CSMD1: variants seen among roughly 807,000 people sequenced by gnomAD.
CSMD1 encodes the protein CUB and sushi domain-containing protein 1.
In CSMD1, 213 loss-of-function variants were observed where a neutral mutation model predicts 417.5. The ratio of observed to expected loss-of-function variants is 0.51; its 90% CI spans 0.46 to 0.57. The LOEUF (loss-of-function observed/expected upper bound fraction) is 0.57. CSMD1 is among the 20% of genes least tolerant of loss of function. CSMD1 has a pLI of 0.00. For synonymous variants in CSMD1, 2,862 were observed against 1,736.8 expected (o/e 1.65, Z -16.11); for missense variants, 6,923 against 4,529.7 (o/e 1.53, Z -15.17).
chr8:3,293,772 A>T (rs748433083), intron 25 of CSMD1, among the ~76,000 whole-genome samples: 13 of 152,272 alleles, frequency 8.5e-5, no homozygotes, highest in Middle Eastern at 3.4e-3. Flanking sequence ...CATGGGTTCA[A>T]ACTTCCTCCT....
intron 3 of CSMD1, among the ~76,000 whole-genome samples, chr8:4,105,985 T>C (rs934068623): frequency 2.0e-5 from 3 of 152,008 alleles, no homozygotes; most frequent in African/African-American, 7.3e-5. Context: ...CACAGGAAAA[T>C]GTAGAGCAGG....
intron 41 of CSMD1, among the ~76,000 whole-genome samples, chr8:3,123,591 A>G (rs1817329715): frequency 1.4e-5 from 2 of 145,338 alleles, no homozygotes; most frequent in Non-Finnish European, 1.5e-5. Flanking sequence ...GCAAATATGA[A>G]CGCTAATAAA....
intron 2 of CSMD1, among the ~76,000 whole-genome samples, chr8:4,631,398 GTT>G (rs566703213): frequency 1.4e-5 from 2 of 138,382 alleles, no homozygotes; most frequent in Admixed American, 7.3e-5. Flanking sequence ...ACCTTGGTTT[GTT>G]TTTTTTTTTT....
At chr8:3,746,803 G>A (rs546039752) in intron 6 of CSMD1, among the ~76,000 whole-genome samples, 6 of 152,188 alleles carry the variant, frequency 3.9e-5, no homozygotes, top group Non-Finnish European at 7.4e-5. Context: ...TATACCGAGA[G>A]AAACAAAATA....
chr8:4,895,336 T>G (rs548870233), intron 1 of CSMD1, among the ~76,000 whole-genome samples: 2 of 152,248 alleles, frequency 1.3e-5, no homozygotes, highest in Non-Finnish European at 2.9e-5. Context: ...AATATTTCAG[T>G]TTCTGGAGTA....
chr8:3,731,556 CA>C, intron 6 of CSMD1, among the ~76,000 whole-genome samples: 1 of 152,216 alleles, frequency 6.6e-6, no homozygotes, highest in South Asian at 2.1e-4. Context: ...GATTTGATTC[CA>C]CCCGTGAAGA....
chr8:3,854,463 G>T (rs1197631538), intron 5 of CSMD1, among the ~76,000 whole-genome samples: 2 of 152,018 alleles, frequency 1.3e-5, no homozygotes, highest in African/African-American at 4.8e-5. Flanking sequence ...AAATTACTTG[G>T]CACACGTTAT....
chr8:3,203,951 G>C (rs1797118448), intron 31 of CSMD1, among the ~76,000 whole-genome samples: 1 of 152,188 alleles, frequency 6.6e-6, no homozygotes, highest in Non-Finnish European at 1.5e-5. Context: ...CTCACCATAA[G>C]CCTGCCAGGG....
At chr8:3,694,931 A>G (rs918538531) in intron 7 of CSMD1, among the ~76,000 whole-genome samples, 15 of 152,210 alleles carry the variant, frequency 9.9e-5, no homozygotes, top group Admixed American at 9.2e-4. Flanking sequence ...CACCACGTGT[A>G]GCTTGCCAGT....
At chr8:3,243,036 T>C (rs1024851545) in intron 26 of CSMD1, among the ~76,000 whole-genome samples, 12 of 152,174 alleles carry the variant, frequency 7.9e-5, no homozygotes, top group African/African-American at 2.6e-4. Context: ...AAAACGTGTC[T>C]CCTTTGTCTC....
intron 5 of CSMD1, among the ~76,000 whole-genome samples, chr8:3,952,212 C>T (rs1442459636): frequency 2.0e-5 from 3 of 152,024 alleles, no homozygotes; most frequent in Non-Finnish European, 2.9e-5. Context: ...AAAGAATTTT[C>T]ATAATAAGAA....
intron 47 of CSMD1, among the ~76,000 whole-genome samples, chr8:3,092,947 T>C (rs569414722): frequency 6.6e-6 from 1 of 152,326 alleles, no homozygotes; most frequent in East Asian, 1.9e-4. Context: ...GTGACAGCTG[T>C]CTTTGTTGTT....
intron 3 of CSMD1, among the ~76,000 whole-genome samples, chr8:4,163,701 T>A (rs556515538): frequency 6.6e-5 from 10 of 152,258 alleles, no homozygotes; most frequent in African/African-American, 2.4e-4. Flanking sequence ...ATAATAAAAT[T>A]TTTTTATGGT....
chr8:4,871,494 C>G (rs1326480993), intron 1 of CSMD1, among the ~76,000 whole-genome samples: 1 of 152,056 alleles, frequency 6.6e-6, no homozygotes, highest in Non-Finnish European at 1.5e-5. Flanking sequence ...TGACCCAACG[C>G]CCGTGTATCT....
At position 4,244,259 on chromosome 8, in the gene CSMD1, G is replaced by A. The variant is rs561919940; in HGVS notation, c.415+175694C>T. Reference sequence around the variant, plus strand: ...CTTGAAACGTTCCACAGAGCACAGGGGCACTGAGAGCAGGCCCCCGGGTCT... The same window carrying A: ...CTTGAAACGTTCCACAGAGCACAGGAGCACTGAGAGCAGGCCCCCGGGTCT... On this transcript the variant is annotated intron_variant, in intron 3 of 69. Coordinates refer to ENST00000635120, the MANE Select transcript of CSMD1 (RefSeq NM_033225.6). Among the ~76,000 whole-genome samples, 80 of 152,242 alleles carry A rather than the reference G, an allele frequency of 5.3e-4. 1 individual carries two copies. Among genetic ancestry groups the A allele is most frequent in the African/African-American group, 1.8e-3 (75 of 41,556 alleles).
intron 4 of CSMD1, among the ~76,000 whole-genome samples, chr8:4,000,278 G>A (rs933924444): frequency 6.6e-6 from 1 of 152,028 alleles, no homozygotes; most frequent in African/African-American, 2.4e-5. Flanking sequence ...ACACTTCCCT[G>A]GTCAACTGAG....
chr8:3,820,143 G>C lies in CSMD1; in HGVS notation c.819-66101C>G, dbSNP rs186498818. ...TGCAGTATGATCTTGACCCTGGTCA[G>C]TTTAATTTGAATGCCTTGCACAAAG... On this transcript the variant is annotated intron_variant, in intron 5 of 69. Transcript: ENST00000635120. 3.9e-5 allele frequency among the ~76,000 whole-genome samples: 6 copies of C among 152,312 alleles called. No homozygotes were observed. The East Asian group carries it at 1.2e-3, about 29-fold the overall frequency.
intron 3 of CSMD1, among the ~76,000 whole-genome samples, chr8:4,344,231 G>C (rs577773045): frequency 1.7e-4 from 26 of 152,184 alleles, no homozygotes; most frequent in African/African-American, 5.3e-4. Flanking sequence ...TTTTCCCAAA[G>C]GTGCCTCTGA....
At chr8:4,317,466 C>T (rs915955684) in intron 3 of CSMD1, among the ~76,000 whole-genome samples, 7 of 152,146 alleles carry the variant, frequency 4.6e-5, no homozygotes, top group Non-Finnish European at 8.8e-5. Context: ...TATACGCTGC[C>T]AGTGTAAGGC....
Sources: allele counts gnomAD v4.1 joint callset (sites outside exome capture counted in the v4.1 genomes callset), GRCh38; gene constraint gnomAD v4.1.1; transcripts MANE v1.5; gene names NCBI Gene and HGNC (gene_info 2026-07-23, HGNC 2026-07-21).